The following CASQ1 variants were observed in gnomAD, a reference collection of about 807,000 sequenced individuals.
CASQ1 encodes calsequestrin-1.
In CASQ1, 40 loss-of-function variants were observed where a neutral mutation model predicts 49.5. The ratio of observed to expected loss-of-function variants is 0.81; its 90% confidence interval spans 0.63 to 1.05. The LOEUF (loss-of-function observed/expected upper bound fraction) is 1.05, where lower values mean the gene tolerates loss of function less well. Among genes scored for constraint, CASQ1 ranks in the 50% least tolerant of loss-of-function variants. CASQ1 has a pLI of 0.00. For synonymous variants in CASQ1, 174 were observed against 187.2 expected (o/e 0.93, Z 0.58); for missense variants, 469 against 486.9 (o/e 0.96, Z 0.35).
At position 160,195,537 on chromosome 1, in the gene CASQ1, TCTC is replaced by T. The variant is rs1220843815; in HGVS notation, c.651+8_651+10del. 1.9e-6 allele frequency: 3 copies of T among 1,612,338 alleles called. No homozygotes were observed. In the Admixed American group the frequency reaches 5.0e-5, roughly 27 times the overall value. ...TCTTCGCCACCTTCGACAGCAAGGTTCTCCTCCCCGCAGCTGTATTGGTTCTGC... is the reference window on the plus strand; with the variant it reads ...TCTTCGCCACCTTCGACAGCAAGGTTCTCCCCGCAGCTGTATTGGTTCTGC... On this transcript the variant is annotated splice_donor_5th_base_variant and intron_variant, in intron 5 of 10. Coordinates refer to ENST00000368078, the MANE Select transcript of CASQ1 (RefSeq NM_001231.5).
chr1:160,191,125 G>C, intron 1 of CASQ1, 95 bp downstream of exon 1: 4 of 1,340,880 alleles, frequency 3.0e-6, no homozygotes, highest in Non-Finnish European at 4.1e-6. Context: ...GATGGGATCT[G>C]GGGGTGAGGG....
intron 1 of CASQ1, among the ~76,000 whole-genome samples, chr1:160,191,827 G>A (rs1288758801): frequency 6.6e-6 from 1 of 152,234 alleles, no homozygotes; most frequent in Non-Finnish European, 1.5e-5. Context: ...AAGCTCCTGT[G>A]GCCCCTTCTC....
Position 160,199,851 on chromosome 1 carries a change from C to G in CASQ1, c.985C>G (p.Leu329Val). 6.2e-7 allele frequency: 1 copy of G among 1,606,038 alleles called. No individual in the cohort carries two copies. The change falls in exon 10 of 11, where the codon CTG becomes GTG. Residue 329 changes from leucine (L) to valine (V), a missense_variant and splice_region_variant. Transcript: ENST00000368078. Reference sequence around the variant, plus strand: ...TTGCTGTATTTTGATCTCTCTACAGCTGGTCCCATACTGGGAGAAGACGTT... The same window carrying G: ...TTGCTGTATTTTGATCTCTCTACAGGTGGTCCCATACTGGGAGAAGACGTT... The part of the protein sequence containing the change: ...IWIDPDDFPL[L>V]VPYWEKTFDI...
At chr1:160,194,780 C>G (rs1654178546) in intron 3 of CASQ1, among the ~76,000 whole-genome samples, 1 of 150,196 alleles carries the variant, frequency 6.7e-6, no homozygotes, top group Admixed American at 6.6e-5. Context: ...ATACATACCA[C>G]ACACCCACCA....
In CASQ1 at chr1:160,195,770, TCA is replaced by T. The variant is rs138817826; in HGVS notation, c.652-124_652-123del. ...GGCAAGTTAAGACACTTGTCAGGTG[TCA>T]CAGTGGCAGTGACAAGGATCCCGGC... On this transcript the variant is annotated intron_variant, in intron 5 of 10. Transcript: ENST00000368078. 5.2e-3 allele frequency: 5,658 copies of T among 1,092,454 alleles called. 154 individuals are homozygous for T. In the East Asian group the frequency reaches 0.075, roughly 15 times the overall value. 67.7% of individuals were successfully genotyped at this position (1,092,454 alleles called of 1,614,324 possible). A position where few individuals can be genotyped will look rare whatever the true frequency, so the allele number is the denominator to read the frequency against.
Position 160,193,373 on chromosome 1 carries a change from G to A in CASQ1, c.365-374G>A, listed in dbSNP as rs187198909. On this transcript the variant is annotated intron_variant, in intron 2 of 10. Transcript: ENST00000368078. The stretch of plus-strand genomic sequence containing the variant: ...TAATAGCAATTAAAGAGCTTGACTG[G>A]GAACCAGCTACTAGAGTGCTCAGAG... Among the ~76,000 whole-genome samples, 171 of 152,190 alleles carry A rather than the reference G, an allele frequency of 1.1e-3. 1 individual carries two copies. The highest frequency in any genetic ancestry group is 3.5e-3 in the African/African-American group (144 of 41,510).
intron 5 of CASQ1, 118 bp downstream of exon 5, chr1:160,195,652 G>GCCCCCCCCCCCCCCC (rs66663076): frequency 1.5e-6 from 1 of 671,246 alleles, no homozygotes; most frequent in African/African-American, 2.3e-5. Flanking sequence ...CTCCCTACCT[G>GCCCCCCCCCCCCCCC]CCCCCCCCCC....
At chr1:160,195,654 C>CG (rs1056853805) in intron 5 of CASQ1, 120 bp downstream of exon 5, 26 of 845,622 alleles carry the variant, frequency 3.1e-5, no homozygotes, top group Non-Finnish European at 4.5e-5. Flanking sequence ...CCCTACCTGC[C>CG]CCCCCCCCCG....
chr1:160,200,071 T>C, intron 10 of CASQ1, 146 bp downstream of exon 10: 1 of 674,622 alleles, frequency 1.5e-6, no homozygotes, highest in Non-Finnish European at 2.8e-6. Context: ...GGGGGAGACT[T>C]AGGATCTGAA....
chr1:160,199,095 C>A lies in CASQ1; in HGVS notation c.984+42C>A. On this transcript the variant is annotated intron_variant, in intron 9 of 10. Transcript: ENST00000368078. ...AGGCACTGCTATCTTAAGGTGGGGC[C>A]TTGGACTGTGACATCTTCTTAGTGA... The A allele has an allele frequency of 2.5e-6, 3 of 1,207,142 alleles. No individual in the cohort carries two copies. In the South Asian group the frequency reaches 3.6e-5, roughly 15 times the overall value. The allele number at this position is 1,207,142 out of a possible 1,614,324, so 74.8% of individuals were successfully genotyped here.
chr1:160,200,250 G>A (rs765122655), intron 10 of CASQ1, among the ~76,000 whole-genome samples: 10 of 152,202 alleles, frequency 6.6e-5, no homozygotes, highest in Non-Finnish European at 1.2e-4. Context: ...GGCTATTTAT[G>A]TATTATGTGT....
chr1:160,192,286 C>T (rs1032414569), intron 1 of CASQ1, among the ~76,000 whole-genome samples: 3 of 152,156 alleles, frequency 2.0e-5, no homozygotes, highest in Non-Finnish European at 4.4e-5. Context: ...AGCTCTCTGG[C>T]CTTCCCCAAC....
intron 3 of CASQ1, among the ~76,000 whole-genome samples, chr1:160,194,500 C>T (rs1018115090): frequency 1.4e-5 from 2 of 146,982 alleles, no homozygotes; most frequent in African/African-American, 5.1e-5. Flanking sequence ...ATGCCACACA[C>T]CCACCAGATA....
Position 160,195,522 on chromosome 1 carries a change from C to T in CASQ1, c.639C>T (p.Thr213=). 1.9e-6 allele frequency: 3 copies of T among 1,613,966 alleles called. No individual in the cohort carries two copies. The highest frequency in any genetic ancestry group is 2.5e-6 in the Non-Finnish European group (3 of 1,179,918). ...EFHPYIPFFA[T]FDSKVAKKLT... ...ATCCCTACATCCCCTTCTTCGCCAC[C>T]TTCGACAGCAAGGTTCTCCTCCCCG... Residue 213 remains threonine, a synonymous_variant, in exon 5 of 11, where the codon ACC becomes ACT. Coordinates refer to ENST00000368078, the MANE Select transcript of CASQ1 (RefSeq NM_001231.5).
At chr1:160,195,336 G>A (rs912288115) in intron 4 of CASQ1, 125 bp from the exon 5 acceptor site, 11 of 907,424 alleles carry the variant, frequency 1.2e-5, no homozygotes, top group African/African-American at 1.6e-5. Flanking sequence ...CCTCACTCTC[G>A]AAGAACTAGA....
intron 9 of CASQ1, 101 bp from the exon 10 acceptor site, chr1:160,199,724 CCTGTCCCCATCCACTGCCAGTTCGCA>C: frequency 1.5e-6 from 1 of 687,762 alleles, no homozygotes. Context: ...CACAGGTGGA[CCTGTCCCCATCCACTGCCAGTTCGCA>C]CTGTCCCCTC....
chr1:160,197,243 A>G (rs890654298), intron 6 of CASQ1, among the ~76,000 whole-genome samples: 8 of 152,228 alleles, frequency 5.3e-5, no homozygotes, highest in Non-Finnish European at 1.2e-4. Flanking sequence ...AGCACCTAGC[A>G]TAGTGCTTAG....
intron 7 of CASQ1, chr1:160,198,314 C>G (rs532708922): frequency 5.8e-5 from 11 of 188,774 alleles, no homozygotes; most frequent in South Asian, 2.1e-4. Context: ...GAGACCAGCC[C>G]GATCAACAAG....
At chr1:160,197,973 T>C (rs551503423) in intron 7 of CASQ1, among the ~76,000 whole-genome samples, 4 of 150,418 alleles carry the variant, frequency 2.7e-5, no homozygotes, top group Non-Finnish European at 4.4e-5. Flanking sequence ...GATCCGCCAC[T>C]GCACACCAGC....
Sources: gnomAD v4.1 joint callset for allele counts (sites outside exome capture counted in the v4.1 genomes callset) on GRCh38, gnomAD v4.1.1 for gene constraint, MANE v1.5 for transcripts, NCBI Gene and HGNC (gene_info 2026-07-23, HGNC 2026-07-21) for gene names.